Variants in NR6A1 observed in about 807,000 individuals in gnomAD.
NR6A1 encodes the protein nuclear receptor subfamily 6 group A member 1, also known as retinoic acid receptor-related testis-associated receptor.
In NR6A1, 7 loss-of-function variants were observed where a neutral mutation model predicts 59.1. The observed-to-expected ratio is 0.12, with a 90% CI of 0.07 to 0.22. The LOEUF (loss-of-function observed/expected upper bound fraction) is 0.22, where lower values mean the gene tolerates loss of function less well. Among genes scored for constraint, NR6A1 ranks in the 10% least tolerant of loss-of-function variants. NR6A1 has a pLI of 1.00. For missense variants in NR6A1, 468 were observed against 611.6 expected (o/e 0.77, Z 2.48); for synonymous variants, 243 against 236.1 (o/e 1.03, Z -0.27).
chr9:124,741,020 T>A (rs758538330), intron 1 of NR6A1, among the ~76,000 whole-genome samples: 6 of 152,208 alleles, frequency 3.9e-5, no homozygotes, highest in Non-Finnish European at 8.8e-5. Context: ...ATTTCACTAT[T>A]CTCAACTTTT....
At chr9:124,602,192 A>G (rs903320161) in intron 2 of NR6A1, among the ~76,000 whole-genome samples, 1 of 152,236 alleles carries the variant, frequency 6.6e-6, no homozygotes, top group Non-Finnish European at 1.5e-5. Context: ...TTTTTAAAGT[A>G]TCCCAATCAA....
rs571332115 is a variant in NR6A1 at position 124,609,332 on chromosome 9, G to A, written c.143-54762C>T. ...AGTTTCAATTTTCTGCATATGACTG[G>A]TCAGTTCTCCCAGCATCATTTATTA... is the stretch of plus-strand genomic sequence containing the variant. On this transcript the variant is annotated intron_variant, in intron 2 of 9. Coordinates refer to ENST00000487099, the MANE Select transcript of NR6A1 (RefSeq NM_033334.4). Among the ~76,000 whole-genome samples the A allele has an allele frequency of 1.8e-4, 27 of 152,224 alleles. 1 individual carries two copies. Among genetic ancestry groups the A allele is most frequent in the African/African-American group, 6.0e-4 (25 of 41,542 alleles).
In NR6A1 at chr9:124,771,260, C is replaced by G. The variant is rs948892858; in HGVS notation, c.-141G>C. On this transcript the variant is annotated 5_prime_UTR_variant, in exon 1 of 10. Transcript: ENST00000487099. ...CCGCGGCTCTCTCTGGGCCCCGAGC[C>G]GCCCGGCTCCGCGCCGCTCCGCGCC... is the stretch of plus-strand genomic sequence containing the variant. 2.4e-6 allele frequency: 1 copy of G among 422,266 alleles called. No homozygotes were observed. Among genetic ancestry groups the G allele is most frequent in the East Asian group, 3.6e-5 (1 of 27,708 alleles). The allele number at this position is 422,266 out of a possible 1,614,324, so 26.2% of individuals were successfully genotyped here.
intron 2 of NR6A1, among the ~76,000 whole-genome samples, chr9:124,681,917 C>T (rs901352995): frequency 3.2e-4 from 48 of 152,182 alleles, no homozygotes; most frequent in African/African-American, 1.1e-3. Context: ...TTAATAAAAT[C>T]GAGTATGAAA....
intron 2 of NR6A1, among the ~76,000 whole-genome samples, chr9:124,700,792 G>A (rs1248096533): frequency 9.1e-6 from 1 of 110,270 alleles, no homozygotes; most frequent in Non-Finnish European, 1.7e-5. Context: ...ACAAGTTCTC[G>A]CCCTGTGGCT....
intron 1 of NR6A1, among the ~76,000 whole-genome samples, chr9:124,770,552 G>A (rs186338822): frequency 2.0e-3 from 302 of 150,782 alleles, no homozygotes; most frequent in African/African-American, 7.1e-3. Context: ...GAAAAGAGAG[G>A]CTCTGCGTTA....
At chr9:124,612,548 G>C (rs1400174499) in intron 2 of NR6A1, among the ~76,000 whole-genome samples, 47 of 152,148 alleles carry the variant, frequency 3.1e-4, no homozygotes, top group Admixed American at 3.1e-3. Context: ...ACATAAGCAG[G>C]GGGAGCTCAC....
chr9:124,596,809 G>A (rs1835284761), intron 2 of NR6A1, among the ~76,000 whole-genome samples: 1 of 152,232 alleles, frequency 6.6e-6, no homozygotes, highest in Non-Finnish European at 1.5e-5. Context: ...AATGGCACAT[G>A]ATGTCAAACA....
At chr9:124,750,166 T>C (rs1025855698) in intron 1 of NR6A1, among the ~76,000 whole-genome samples, 1 of 152,238 alleles carries the variant, frequency 6.6e-6, no homozygotes, top group Admixed American at 6.5e-5. Flanking sequence ...AAGGCTCTCA[T>C]GTTTCTAGTT....
intron 2 of NR6A1, among the ~76,000 whole-genome samples, chr9:124,723,154 T>C (rs1011316257): frequency 3.9e-5 from 6 of 152,152 alleles, no homozygotes; most frequent in Non-Finnish European, 8.8e-5. Flanking sequence ...GAATATACTT[T>C]ATTTTTTAAA....
intron 2 of NR6A1, among the ~76,000 whole-genome samples, chr9:124,643,161 T>A (rs191972800): frequency 6.6e-6 from 1 of 151,952 alleles, no homozygotes; most frequent in East Asian, 1.9e-4. Flanking sequence ...ATATTACCTT[T>A]AAAAATCAAA....
intron 2 of NR6A1, among the ~76,000 whole-genome samples, chr9:124,561,433 C>A (rs1588667623): frequency 6.6e-6 from 1 of 151,938 alleles, no homozygotes; most frequent in East Asian, 1.9e-4. Flanking sequence ...GGAATGAGAT[C>A]CCATTTCTAA....
At chr9:124,726,685 C>A (rs974520709) in intron 2 of NR6A1, among the ~76,000 whole-genome samples, 26 of 149,514 alleles carry the variant, frequency 1.7e-4, no homozygotes, top group Non-Finnish European at 3.0e-4. Context: ...AAATTCTTCA[C>A]TTCTTCTCAC....
intron 2 of NR6A1, among the ~76,000 whole-genome samples, chr9:124,591,476 G>A (rs967660904): frequency 6.6e-6 from 1 of 152,190 alleles, no homozygotes; most frequent in East Asian, 1.9e-4. Flanking sequence ...TGAGCCATCT[G>A]GGCAACAGGG....
At chr9:124,649,189 A>C (rs2130917797) in intron 2 of NR6A1, among the ~76,000 whole-genome samples, 1 of 151,160 alleles carries the variant, frequency 6.6e-6, no homozygotes, top group South Asian at 2.1e-4. Context: ...ACCTGACTTC[A>C]AAATATACTA....
At chr9:124,528,390 A>G (rs1833002627) in intron 7 of NR6A1, among the ~76,000 whole-genome samples, 1 of 152,176 alleles carries the variant, frequency 6.6e-6, no homozygotes, top group Non-Finnish European at 1.5e-5. Context: ...AACAATAAAA[A>G]AAGACAAATT....
intron 2 of NR6A1, among the ~76,000 whole-genome samples, chr9:124,573,533 A>G (rs1163177558): frequency 6.6e-6 from 1 of 152,204 alleles, no homozygotes; most frequent in African/African-American, 2.4e-5. Context: ...TTTCTCTTTC[A>G]TGCAGTAACT....
chr9:124,732,421 G>A (rs945032391), intron 2 of NR6A1, among the ~76,000 whole-genome samples: 6 of 152,128 alleles, frequency 3.9e-5, no homozygotes, highest in Admixed American at 1.3e-4. Context: ...AATGGTGCAC[G>A]CCACCACATT....
At chr9:124,553,019 C>A (rs572430996) in intron 3 of NR6A1, among the ~76,000 whole-genome samples, 2 of 152,292 alleles carry the variant, frequency 1.3e-5, no homozygotes, top group African/African-American at 4.8e-5. Flanking sequence ...CTGCTATGAA[C>A]CCCTAATACC....
Sources: allele counts gnomAD v4.1 joint callset (sites outside exome capture counted in the v4.1 genomes callset), GRCh38; gene constraint gnomAD v4.1.1; transcripts MANE v1.5; gene names NCBI Gene and HGNC (gene_info 2026-07-23, HGNC 2026-07-21).